The following PRICKLE2 variants were observed in gnomAD, a reference collection of about 807,000 sequenced individuals.
PRICKLE2 encodes prickle-like protein 2.
In PRICKLE2, 21 loss-of-function variants were observed where a neutral mutation model predicts 81.4. The observed-to-expected ratio is 0.26, with a 90% CI of 0.18 to 0.37. The LOEUF is 0.37. PRICKLE2 is among the 10% of genes least tolerant of loss of function. The pLI, the probability that PRICKLE2 is intolerant of heterozygous loss-of-function variation, is 1.00. For missense variants in PRICKLE2, 940 were observed against 1,109.0 expected (o/e 0.85, Z 2.16); for synonymous variants, 456 against 421.5 (o/e 1.08, Z -1.00).
chr3:64,129,645 AAGG>A (rs1559526990), intron 7 of PRICKLE2, among the ~76,000 whole-genome samples: 1 of 151,888 alleles, frequency 6.6e-6, no homozygotes, highest in Non-Finnish European at 1.5e-5. Context: ...CAGAAGGAAC[AAGG>A]AGAAGAGAGA....
At chr3:64,156,770 A>C (rs1288015447) in intron 5 of PRICKLE2, among the ~76,000 whole-genome samples, 1 of 152,222 alleles carries the variant, frequency 6.6e-6, no homozygotes, top group South Asian at 2.1e-4. Flanking sequence ...TTGGAAAATG[A>C]AACAATTTTA....
chr3:64,154,575 TA>T (rs1296314258), intron 5 of PRICKLE2: 1 of 151,718 alleles, frequency 6.6e-6, no homozygotes, highest in Non-Finnish European at 1.5e-5. Flanking sequence ...CAAATGGGTT[TA>T]AAGAGCTAGG....
intron 2 of PRICKLE2, among the ~76,000 whole-genome samples, chr3:64,264,288 C>T (rs1311572392): frequency 2.0e-5 from 3 of 152,034 alleles, no homozygotes; most frequent in Admixed American, 6.6e-5. Flanking sequence ...ATAGGGTTGT[C>T]GTAAGGGTTT....
chr3:64,107,754 G>A (rs2076779490), intron 7 of PRICKLE2, among the ~76,000 whole-genome samples: 1 of 152,188 alleles, frequency 6.6e-6, no homozygotes, highest in Non-Finnish European at 1.5e-5. Flanking sequence ...GGCTGAGGCA[G>A]TAGGATCACG....
At position 64,165,995 on chromosome 3, in the gene PRICKLE2, TG is replaced by T. The variant is rs1559552014; in HGVS notation, c.145-2867del. Among the ~76,000 whole-genome samples, 134 of 150,754 alleles carry T rather than the reference TG, an allele frequency of 8.9e-4. 2 individuals carry two copies. Among genetic ancestry groups the T allele is most frequent in the Non-Finnish European group, 8.4e-4 (57 of 67,618 alleles). ...GTGTGTGTGTGTGTGTGTGTGTGTG[TG>T]TGTGTGTGTGTGTGTGTGTTTTGTT... On this transcript the variant is annotated intron_variant, in intron 2 of 7. Coordinates refer to ENST00000638394, the MANE Select transcript of PRICKLE2 (RefSeq NM_198859.4).
intron 2 of PRICKLE2, among the ~76,000 whole-genome samples, chr3:64,165,575 C>T (rs982691233): frequency 2.0e-5 from 3 of 152,148 alleles, no homozygotes; most frequent in Non-Finnish European, 4.4e-5. Flanking sequence ...AGTACAGTGG[C>T]GCGGTCATGG....
At chr3:64,116,328 G>A (rs904081466) in intron 7 of PRICKLE2, among the ~76,000 whole-genome samples, 12 of 151,836 alleles carry the variant, frequency 7.9e-5, no homozygotes, top group Non-Finnish European at 1.2e-4. Flanking sequence ...ACTAGCCGAA[G>A]ACACAAAATA....
intron 2 of PRICKLE2, among the ~76,000 whole-genome samples, chr3:64,237,218 G>T (rs1415520068): frequency 6.6e-6 from 1 of 152,188 alleles, no homozygotes; most frequent in African/African-American, 2.4e-5. Flanking sequence ...GGCATCTGTG[G>T]ATGGCTTAAG....
chr3:64,174,015 C>T (rs1337241719), intron 2 of PRICKLE2, among the ~76,000 whole-genome samples: 1 of 151,956 alleles, frequency 6.6e-6, no homozygotes, highest in Non-Finnish European at 1.5e-5. Context: ...AGTGTAGTTC[C>T]CCATGAAGAA....
At chr3:64,159,443 C>T (rs958790158) in intron 4 of PRICKLE2, among the ~76,000 whole-genome samples, 1 of 152,240 alleles carries the variant, frequency 6.6e-6, no homozygotes, top group Non-Finnish European at 1.5e-5. Flanking sequence ...ATGGCTCACC[C>T]AGAACTCTGA....
intron 2 of PRICKLE2, among the ~76,000 whole-genome samples, chr3:64,246,268 T>C (rs1387753326): frequency 2.0e-5 from 3 of 151,944 alleles, no homozygotes; most frequent in South Asian, 4.2e-4. Flanking sequence ...AAACAAAAAC[T>C]GTACACCTCT....
At position 64,168,696 on chromosome 3, in the gene PRICKLE2, C is replaced by T. The variant is rs143610303; in HGVS notation, c.145-5567G>A. Among the ~76,000 whole-genome samples, 1,236 of 152,232 alleles carry T rather than the reference C, an allele frequency of 8.1e-3. 18 individuals carry two copies. Among genetic ancestry groups the T allele is most frequent in the African/African-American group, 0.028 (1,160 of 41,520 alleles). ...CTTCCCCATCCTCTCCTTCTGTTCT[C>T]CTTTATCAAGAAAAAAAGAGACTGA... On this transcript the variant is annotated intron_variant, in intron 2 of 7. Transcript: ENST00000638394.
At chr3:64,205,360 G>A (rs563086500) in intron 1 of PRICKLE2, among the ~76,000 whole-genome samples, 9 of 152,226 alleles carry the variant, frequency 5.9e-5, no homozygotes, top group East Asian at 5.8e-4. Flanking sequence ...ATTGTCAGGC[G>A]GAGACCCTCT....
intron 7 of PRICKLE2, among the ~76,000 whole-genome samples, chr3:64,119,146 T>A (rs568049231): frequency 6.6e-6 from 1 of 152,276 alleles, no homozygotes; most frequent in South Asian, 2.1e-4. Flanking sequence ...TACATGTTCT[T>A]ACTTATAAGT....
At position 64,159,965 on chromosome 3, in the gene PRICKLE2, G is replaced by A. The variant is rs2077703874; in HGVS notation, c.371C>T (p.Thr124Ile). The A allele has an allele frequency of 1.9e-6, 3 of 1,614,126 alleles. No homozygotes were observed. Among genetic ancestry groups the A allele is most frequent in the Non-Finnish European group, 2.5e-6 (3 of 1,180,026 alleles). Residue 124 changes from threonine (T) to isoleucine (I), a missense_variant, in exon 4 of 8, where the codon ACC (threonine) becomes ATC (isoleucine). By Grantham distance (89) the Thr-to-Ile change is moderately conservative. Coordinates refer to ENST00000638394, the MANE Select transcript of PRICKLE2 (RefSeq NM_198859.4). ...GRGNVRPFPV[T>I]MTGAICEQCG... ...CTGTTCACAAATAGCTCCTGTCATG[G>A]TGACTGGGAAAGGCCTGACATTCCC...
chr3:64,176,796 G>C (rs2078029615), intron 2 of PRICKLE2, among the ~76,000 whole-genome samples: 1 of 152,202 alleles, frequency 6.6e-6, no homozygotes, highest in East Asian at 1.9e-4. Flanking sequence ...GCTACTTTCA[G>C]CCTGAGTAAC....
intron 1 of PRICKLE2, among the ~76,000 whole-genome samples, chr3:64,205,051 T>G (rs1368760372): frequency 6.6e-6 from 1 of 151,256 alleles, no homozygotes; most frequent in East Asian, 1.9e-4. Context: ...GGCTTTTTTT[T>G]TAAATAGACA....
intron 2 of PRICKLE2, among the ~76,000 whole-genome samples, chr3:64,174,018 A>G (rs2077977961): frequency 6.6e-6 from 1 of 152,166 alleles, no homozygotes; most frequent in Non-Finnish European, 1.5e-5. Context: ...GTAGTTCCCC[A>G]TGAAGAAGAA....
chr3:64,111,956 A>G (rs1221633579), intron 7 of PRICKLE2, among the ~76,000 whole-genome samples: 1 of 152,232 alleles, frequency 6.6e-6, no homozygotes, highest in African/African-American at 2.4e-5. Flanking sequence ...GAATGCACTC[A>G]TGACAATGTA....
Sources: allele counts gnomAD v4.1 joint callset (sites outside exome capture counted in the v4.1 genomes callset), GRCh38; gene constraint gnomAD v4.1.1; transcripts MANE v1.5; gene names NCBI Gene and HGNC (gene_info 2026-07-23, HGNC 2026-07-21).